Variants in NRXN1 observed in about 807,000 individuals in gnomAD.
The protein encoded by NRXN1 is neurexin 1.
In NRXN1, 39 loss-of-function variants were observed where a neutral mutation model predicts 150.9. That is an observed-to-expected ratio of 0.26 (90% CI 0.20 to 0.34). The LOEUF (loss-of-function observed/expected upper bound fraction) is 0.34. Among genes scored for constraint, NRXN1 ranks in the 10% least tolerant of loss-of-function variants. The probability of loss-of-function intolerance (pLI) is 1.00; values close to 1 mark genes in which losing one functional copy is unlikely to be tolerated. For missense variants in NRXN1, 1,815 were observed against 1,949.9 expected (o/e 0.93, Z 1.30); for synonymous variants, 924 against 757.0 (o/e 1.22, Z -3.62).
intron 8 of NRXN1, among the ~76,000 whole-genome samples, chr2:50,569,880 A>G (rs1670405366): frequency 6.6e-6 from 1 of 152,170 alleles, no homozygotes; most frequent in Non-Finnish European, 1.5e-5. Flanking sequence ...CTCCACATTA[A>G]GTAGCATTAT....
At chr2:50,395,998 T>G (rs991957155) in intron 17 of NRXN1, among the ~76,000 whole-genome samples, 5 of 152,152 alleles carry the variant, frequency 3.3e-5, no homozygotes, top group Admixed American at 1.3e-4. Context: ...ATGTCTAGAG[T>G]ATCCTTACCA....
rs558520199 is a variant in NRXN1 at position 50,057,513 on chromosome 2, G to C, written c.3719-2469C>G. Among the ~76,000 whole-genome samples the C allele has an allele frequency of 2.6e-4, 39 of 152,220 alleles. No homozygotes were observed. The South Asian group carries it at 8.1e-3, about 32-fold the overall frequency. ...AACATGCCCTTTAGAAAGAAGCATT[G>C]AACCTGTAATGGCAAATTTGATAGT... On this transcript the variant is annotated intron_variant, in intron 19 of 22. Transcript: ENST00000401669.
chr2:50,608,119 T>C (rs946593462), intron 8 of NRXN1, among the ~76,000 whole-genome samples: 1 of 152,056 alleles, frequency 6.6e-6, no homozygotes, highest in Non-Finnish European at 1.5e-5. Context: ...TCAGAGTCAC[T>C]ACTGAGCTAC....
chr2:50,146,754 T>G (rs897131702), intron 18 of NRXN1, among the ~76,000 whole-genome samples: 2 of 151,602 alleles, frequency 1.3e-5, no homozygotes, highest in South Asian at 4.1e-4. Flanking sequence ...CTTTGAATAA[T>G]CTTCTTTTGT....
chr2:50,245,212 G>C (rs1197201895), intron 17 of NRXN1, among the ~76,000 whole-genome samples: 1 of 151,906 alleles, frequency 6.6e-6, no homozygotes, highest in Non-Finnish European at 1.5e-5. Flanking sequence ...CAAATTCAAA[G>C]TCCTGGGAAC....
chr2:50,844,970 C>T (rs1673426200), intron 5 of NRXN1, among the ~76,000 whole-genome samples: 1 of 152,078 alleles, frequency 6.6e-6, no homozygotes, highest in Admixed American at 6.5e-5. Flanking sequence ...CCTCCCACCT[C>T]AGCCTCTCAA....
rs182237597 is a variant in NRXN1, at chr2:50,491,162, C to T, written c.3070+4743G>A. On this transcript the variant is annotated intron_variant, in intron 15 of 22. Transcript: ENST00000401669. ...TGTCCTGTGGGCTGAATGTACAAAG[C>T]CTGGGCATGTTTAAATGTGATTATG... 1.4e-3 allele frequency among the ~76,000 whole-genome samples: 215 copies of T among 152,146 alleles called. 3 individuals are homozygous for T. The highest frequency in any genetic ancestry group is 4.9e-3 in the African/African-American group (203 of 41,496).
In NRXN1 at chr2:51,032,120, G is replaced by A. The variant is rs200430874; in HGVS notation, c.-1061C>T. 2.0e-5 allele frequency: 3 copies of A among 153,512 alleles called. No individual in the cohort carries two copies. Among genetic ancestry groups the A allele is most frequent in the Non-Finnish European group, 1.5e-5 (1 of 68,892 alleles). 9.5% of individuals were successfully genotyped at this position (153,512 alleles called of 1,614,324 possible). A position where few individuals can be genotyped will look rare whatever the true frequency, so the allele number is the denominator to read the frequency against. On this transcript the variant is annotated 5_prime_UTR_variant, in exon 1 of 23. Coordinates refer to ENST00000401669, the MANE Select transcript of NRXN1 (RefSeq NM_001330078.2). Reference sequence around the variant, plus strand: ...CTTGAGCGTCTATCTCCAGGAGTGCGGGAGGGGAGAACAGGCAACGGAGGG... The same window carrying A: ...CTTGAGCGTCTATCTCCAGGAGTGCAGGAGGGGAGAACAGGCAACGGAGGG...
At chr2:50,518,721 A>G (rs1240331952) in intron 12 of NRXN1, among the ~76,000 whole-genome samples, 1 of 151,852 alleles carries the variant, frequency 6.6e-6, no homozygotes, top group Non-Finnish European at 1.5e-5. Context: ...TTTTTTAATG[A>G]GGTCAAGAAG....
intron 18 of NRXN1, among the ~76,000 whole-genome samples, chr2:50,153,384 T>C (rs1018937614): frequency 1.3e-5 from 2 of 151,422 alleles, no homozygotes; most frequent in Non-Finnish European, 3.0e-5. Flanking sequence ...TTCCCAATTC[T>C]TTATATGTAA....
chr2:50,337,019 A>C (rs886136223), intron 17 of NRXN1, among the ~76,000 whole-genome samples: 2 of 152,204 alleles, frequency 1.3e-5, no homozygotes, highest in African/African-American at 4.8e-5. Flanking sequence ...CTCAGTCAGA[A>C]TAAATTATGT....
intron 17 of NRXN1, among the ~76,000 whole-genome samples, chr2:50,248,632 CATTT>C (rs1255395899): frequency 7.2e-5 from 11 of 152,158 alleles, no homozygotes; most frequent in African/African-American, 2.7e-4. Context: ...CTTATTCATT[CATTT>C]AATTCTTTTA....
chr2:50,976,635 C>T (rs913081306), intron 2 of NRXN1, among the ~76,000 whole-genome samples: 11 of 151,890 alleles, frequency 7.2e-5, no homozygotes, highest in African/African-American at 1.9e-4. Context: ...AAAGTGAATA[C>T]ACCACCTCTG....
chr2:50,284,486 G>A (rs2071858292), intron 17 of NRXN1, among the ~76,000 whole-genome samples: 3 of 152,138 alleles, frequency 2.0e-5, no homozygotes, highest in Admixed American at 2.0e-4. Flanking sequence ...ACACCTTGGG[G>A]ATTCTTTTAA....
At chr2:50,190,772 C>A (rs1160873763) in intron 18 of NRXN1, among the ~76,000 whole-genome samples, 1 of 150,744 alleles carries the variant, frequency 6.6e-6, no homozygotes, top group Non-Finnish European at 1.5e-5. Flanking sequence ...GCCACCATGG[C>A]CGGCTAATTT....
intron 5 of NRXN1, among the ~76,000 whole-genome samples, chr2:50,684,170 T>G (rs1690883952): frequency 6.6e-6 from 1 of 152,162 alleles, no homozygotes; most frequent in Admixed American, 6.5e-5. Flanking sequence ...AATTTCAGAT[T>G]TCATATGAAT....
At chr2:50,389,343 C>T (rs1050562373) in intron 17 of NRXN1, among the ~76,000 whole-genome samples, 3 of 149,432 alleles carry the variant, frequency 2.0e-5, no homozygotes, top group African/African-American at 4.9e-5. Flanking sequence ...ACCATTTAGT[C>T]CAATGATAAT....
intron 5 of NRXN1, among the ~76,000 whole-genome samples, chr2:50,726,789 T>C (rs1037390376): frequency 6.6e-6 from 1 of 152,198 alleles, no homozygotes; most frequent in African/African-American, 2.4e-5. Context: ...AATATAGTCA[T>C]TTTAAATCCC....
intron 9 of NRXN1, among the ~76,000 whole-genome samples, chr2:50,552,109 G>A (rs1481390344): frequency 6.6e-6 from 1 of 152,166 alleles, no homozygotes; most frequent in Non-Finnish European, 1.5e-5. Context: ...AAATGCTACT[G>A]TATTGATTAA....
Sources: gnomAD v4.1 joint callset for allele counts (sites outside exome capture counted in the v4.1 genomes callset) on GRCh38, gnomAD v4.1.1 for gene constraint, MANE v1.5 for transcripts, NCBI Gene and HGNC (gene_info 2026-07-23, HGNC 2026-07-21) for gene names.